The following LDB2 variants were observed in gnomAD, a reference collection of about 807,000 sequenced individuals.
LDB2 encodes the protein LIM domain-binding protein 2.
A neutral mutation model predicts 44.3 loss-of-function variants in LDB2; 12 were observed. The observed-to-expected ratio is 0.27, with a 90% CI of 0.17 to 0.44. The LOEUF (loss-of-function observed/expected upper bound fraction) is 0.44, where lower values mean the gene tolerates loss of function less well. Ranked by LOEUF, LDB2 falls within the 20% of genes least tolerant of loss-of-function variation. The pLI is 1.00. For synonymous variants in LDB2, 164 were observed against 174.8 expected (o/e 0.94, Z 0.49); for missense variants, 344 against 473.5 (o/e 0.73, Z 2.54).
chr4:16,642,767 C>G (rs538377131), intron 2 of LDB2, among the ~76,000 whole-genome samples: 2 of 152,114 alleles, frequency 1.3e-5, no homozygotes, highest in Admixed American at 1.3e-4. Flanking sequence ...GGAAAGCAGA[C>G]ATTATCTCTG....
chr4:16,831,192 T>TC (rs1784019071), intron 1 of LDB2, among the ~76,000 whole-genome samples: 1 of 136,026 alleles, frequency 7.4e-6, no homozygotes, highest in African/African-American at 2.7e-5. Context: ...TTTTTTTTTT[T>TC]CTATTTTAAG....
At chr4:16,719,160 AT>A (rs138766888) in intron 2 of LDB2, among the ~76,000 whole-genome samples, 2,014 of 152,006 alleles carry the variant, frequency 0.013, 57 homozygotes, top group African/African-American at 0.046. Flanking sequence ...GATTTTCCAT[AT>A]TTTTTCTTCT....
intron 1 of LDB2, among the ~76,000 whole-genome samples, chr4:16,807,731 G>A (rs113098878): frequency 4.6e-5 from 7 of 152,302 alleles, no homozygotes; most frequent in African/African-American, 1.4e-4. Flanking sequence ...GAGAAGCTGT[G>A]ATGGCTAAAA....
At chr4:16,781,131 T>G (rs1202971741) in intron 1 of LDB2, among the ~76,000 whole-genome samples, 2 of 152,156 alleles carry the variant, frequency 1.3e-5, no homozygotes. Context: ...GAGCTAAGAC[T>G]GTGGCCCAAC....
chr4:16,517,915 A>C (rs1724445600), intron 5 of LDB2, among the ~76,000 whole-genome samples: 1 of 150,754 alleles, frequency 6.6e-6, no homozygotes, highest in Non-Finnish European at 1.5e-5. Flanking sequence ...GGATGGATGG[A>C]TGGATGGATG....
chr4:16,839,550 G>T (rs140183196), intron 1 of LDB2, among the ~76,000 whole-genome samples: 1 of 152,132 alleles, frequency 6.6e-6, no homozygotes, highest in Non-Finnish European at 1.5e-5. Context: ...CACCCAGTTT[G>T]GTGGTGATGA....
At chr4:16,782,800 A>G (rs796588385) in intron 1 of LDB2, among the ~76,000 whole-genome samples, 13 of 152,328 alleles carry the variant, frequency 8.5e-5, no homozygotes, top group African/African-American at 2.6e-4. Context: ...GATAAATAAG[A>G]AGACAAAATT....
chr4:16,605,962 C>G (rs1327684189), intron 2 of LDB2, among the ~76,000 whole-genome samples: 76 of 152,262 alleles, frequency 5.0e-4, no homozygotes, highest in Admixed American at 1.3e-3. Context: ...GAATATCAAA[C>G]TTTATTTGTT....
chr4:16,673,162 C>T (rs550809657), intron 2 of LDB2, among the ~76,000 whole-genome samples: 2 of 152,256 alleles, frequency 1.3e-5, no homozygotes, highest in East Asian at 3.9e-4. Flanking sequence ...GGGAAAGGGG[C>T]ATGAATCCAC....
chr4:16,856,785 GTTTC>G (rs986588724), intron 1 of LDB2, among the ~76,000 whole-genome samples: 8 of 152,070 alleles, frequency 5.3e-5, no homozygotes, highest in African/African-American at 1.9e-4. Flanking sequence ...AATACTATTG[GTTTC>G]TTTATTTTAT....
chr4:16,529,736 G>C (rs1342812818), intron 5 of LDB2, among the ~76,000 whole-genome samples: 1 of 152,130 alleles, frequency 6.6e-6, no homozygotes, highest in East Asian at 1.9e-4. Flanking sequence ...CTTTACGGAA[G>C]ATCTGTATAT....
At position 16,764,237 on chromosome 4, in the gene LDB2, C is replaced by T. The variant is rs76626628; in HGVS notation, c.133-4977G>A. Among the ~76,000 whole-genome samples the T allele has an allele frequency of 4.6e-3, 702 of 152,236 alleles. 7 individuals carry two copies. Among genetic ancestry groups the T allele is most frequent in the African/African-American group, 0.016 (655 of 41,546 alleles). ...GAGGAAATTTCCCCCTCCAACCTTT[C>T]GGAGTTCATACCCTTTTTCCCACCT... On this transcript the variant is annotated intron_variant, in intron 1 of 7. Coordinates refer to ENST00000304523, the MANE Select transcript of LDB2 (RefSeq NM_001290.5).
intron 1 of LDB2, among the ~76,000 whole-genome samples, chr4:16,810,502 A>G (rs1490126360): frequency 6.6e-6 from 1 of 152,198 alleles, no homozygotes; most frequent in Non-Finnish European, 1.5e-5. Flanking sequence ...ATCTATTTGA[A>G]AAGATGATGA....
intron 1 of LDB2, among the ~76,000 whole-genome samples, chr4:16,884,331 A>G (rs1365846480): frequency 6.6e-6 from 1 of 152,166 alleles, no homozygotes; most frequent in Non-Finnish European, 1.5e-5. Context: ...AAACCAAGGC[A>G]CGGAGAAGTT....
intron 5 of LDB2, among the ~76,000 whole-genome samples, chr4:16,583,084 C>T (rs1183583560): frequency 6.6e-6 from 1 of 152,218 alleles, no homozygotes; most frequent in Non-Finnish European, 1.5e-5. Context: ...TCGCCTGCTC[C>T]TCCCTCCAAC....
chr4:16,793,153 A>C (rs1276435917), intron 1 of LDB2, among the ~76,000 whole-genome samples: 1 of 152,238 alleles, frequency 6.6e-6, no homozygotes, highest in African/African-American at 2.4e-5. Flanking sequence ...TAGAATCTAT[A>C]GGCTTCCTTC....
chr4:16,520,555 G>C (rs1421217796), intron 5 of LDB2, among the ~76,000 whole-genome samples: 1 of 152,178 alleles, frequency 6.6e-6, no homozygotes, highest in Non-Finnish European at 1.5e-5. Flanking sequence ...GGGATGTGTT[G>C]CCTTTTCTCA....
At chr4:16,821,806 G>T (rs1166062648) in intron 1 of LDB2, among the ~76,000 whole-genome samples, 1 of 140,416 alleles carries the variant, frequency 7.1e-6, no homozygotes, top group Non-Finnish European at 1.5e-5. Context: ...TGGGCAAATC[G>T]CCCAGGTTCT....
chr4:16,573,214 T>A (rs914060128), intron 5 of LDB2, among the ~76,000 whole-genome samples: 2 of 152,276 alleles, frequency 1.3e-5, no homozygotes, highest in Admixed American at 1.3e-4. Context: ...CTAATATATA[T>A]ATAGAGGGAA....
Sources: gnomAD v4.1 joint callset for allele counts (sites outside exome capture counted in the v4.1 genomes callset) on GRCh38, gnomAD v4.1.1 for gene constraint, MANE v1.5 for transcripts, NCBI Gene and HGNC (gene_info 2026-07-23, HGNC 2026-07-21) for gene names.